The following SLC38A11 variants were observed in gnomAD, a reference collection of about 807,000 sequenced individuals.
The protein encoded by SLC38A11 is putative sodium-coupled neutral amino acid transporter 11.
In SLC38A11, 51 loss-of-function variants were observed where a neutral mutation model predicts 49.4. The ratio of observed to expected loss-of-function variants is 1.03; its 90% CI spans 0.83 to 1.30. The LOEUF is 1.30. SLC38A11 is among the 50% of genes most tolerant of loss of function. SLC38A11 has a pLI of 0.00. For synonymous variants in SLC38A11, 203 were observed against 192.9 expected, an observed-to-expected ratio of 1.05 and a Z score of -0.43; for missense variants, 574 against 556.2, an observed-to-expected ratio of 1.03 and a Z score of -0.32.
chr2:164,955,430 T>A lies in SLC38A11; in HGVS notation c.-183A>T, dbSNP rs895917711. The A allele has an allele frequency of 1.7e-6, 1 of 580,268 alleles. No individual in the cohort carries two copies. Among genetic ancestry groups the A allele is most frequent in the Non-Finnish European group, 3.1e-6 (1 of 326,096 alleles). 35.9% of individuals were successfully genotyped at this position (580,268 alleles called of 1,614,324 possible). A position where few individuals can be genotyped will look rare whatever the true frequency, so the allele number is the denominator to read the frequency against. Reference sequence around the variant, plus strand: ...GGCCGCGAGGGCTGCAGCCCCAAGATCTCTAGGCTGTGGCAGCCTGGGGCG... The same window carrying A: ...GGCCGCGAGGGCTGCAGCCCCAAGAACTCTAGGCTGTGGCAGCCTGGGGCG... On this transcript the variant is annotated 5_prime_UTR_variant, in exon 1 of 12. Transcript: ENST00000685975.
chr2:164,902,186 G>T (rs946985401), intron 11 of SLC38A11, among the ~76,000 whole-genome samples: 2 of 151,780 alleles, frequency 1.3e-5, no homozygotes, highest in African/African-American at 2.4e-5. Context: ...ATGCTACCAT[G>T]TCTGGGTAAT....
chr2:164,912,527 T>C (rs1340371458), intron 9 of SLC38A11: 1 of 152,086 alleles, frequency 6.6e-6, no homozygotes, highest in Non-Finnish European at 1.5e-5. Context: ...AGAACAATCC[T>C]GAAAGGAAGA....
intron 6 of SLC38A11, among the ~76,000 whole-genome samples, chr2:164,938,314 C>T (rs1309176453): frequency 1.3e-5 from 2 of 152,198 alleles, no homozygotes; most frequent in Admixed American, 6.6e-5. Flanking sequence ...AGAGAGGGAA[C>T]TCAAGTACAA....
chr2:164,928,765 T>A (rs1365992146), intron 7 of SLC38A11, among the ~76,000 whole-genome samples: 1 of 152,120 alleles, frequency 6.6e-6, no homozygotes, highest in African/African-American at 2.4e-5. Flanking sequence ...AATCATCTCA[T>A]CTTTGAAAAA....
chr2:164,930,296 G>A (rs773653176), intron 7 of SLC38A11, among the ~76,000 whole-genome samples: 1 of 151,944 alleles, frequency 6.6e-6, no homozygotes, highest in East Asian at 1.9e-4. Context: ...GGACGAGAAC[G>A]ATTCACGGCT....
At position 164,896,014 on chromosome 2, in the gene SLC38A11, A is replaced by G. The variant is rs1328572245; in HGVS notation, c.*2423T>C. Reference sequence around the variant, plus strand: ...ATTTAAGTGTATTGACAGCTTCAAAAACTGGTTTAAAACCTTCAAGTTGCT... The same window carrying G: ...ATTTAAGTGTATTGACAGCTTCAAAGACTGGTTTAAAACCTTCAAGTTGCT... On this transcript the variant is annotated 3_prime_UTR_variant, in exon 12 of 12. Transcript: ENST00000685975. Among the ~76,000 whole-genome samples, 2 of 152,166 alleles carry G rather than the reference A, an allele frequency of 1.3e-5. No homozygotes were observed. Among genetic ancestry groups the G allele is most frequent in the Admixed American group, 1.3e-4 (2 of 15,266 alleles).
chr2:164,902,315 C>T (rs375269122), intron 11 of SLC38A11, among the ~76,000 whole-genome samples: 3 of 152,124 alleles, frequency 2.0e-5, no homozygotes, highest in African/African-American at 2.4e-5. Flanking sequence ...GCCACCGCAC[C>T]CAGCTGTTCA....
At chr2:164,901,499 A>C (rs929081181) in intron 11 of SLC38A11, among the ~76,000 whole-genome samples, 6 of 152,010 alleles carry the variant, frequency 3.9e-5, no homozygotes, top group South Asian at 2.1e-4. Flanking sequence ...AATTTATTCC[A>C]GAGTATTTTT....
At chr2:164,934,439 C>T (rs911058451) in intron 7 of SLC38A11, among the ~76,000 whole-genome samples, 5 of 152,016 alleles carry the variant, frequency 3.3e-5, no homozygotes, top group African/African-American at 1.2e-4. Context: ...TCTCCAATGG[C>T]GAAATAATGA....
At chr2:164,923,086 A>C (rs1013954452) in intron 7 of SLC38A11, among the ~76,000 whole-genome samples, 1 of 152,252 alleles carries the variant, frequency 6.6e-6, no homozygotes, top group Non-Finnish European at 1.5e-5. Context: ...GAGATGGATT[A>C]GAGATTTAAA....
chr2:164,926,756 C>T lies in SLC38A11; in HGVS notation c.617+10594G>A, dbSNP rs1049378016. Among the ~76,000 whole-genome samples the T allele has an allele frequency of 4.0e-5, 6 of 151,152 alleles. No homozygotes were observed. The South Asian group carries it at 1.0e-3, about 26-fold the overall frequency. The stretch of plus-strand genomic sequence containing the variant: ...GAAACCATCATTCTGAGAAAACTAT[C>T]GCAAGGACAGAAAATCAAACACCGC... On this transcript the variant is annotated intron_variant, in intron 7 of 11. Coordinates refer to ENST00000685975, the MANE Select transcript of SLC38A11 (RefSeq NM_001351537.2).
intron 5 of SLC38A11, among the ~76,000 whole-genome samples, chr2:164,942,353 T>G (rs72884488): frequency 0.069 from 10,258 of 149,086 alleles, 386 homozygotes; most frequent in Admixed American, 0.1. Flanking sequence ...GAGGATCACC[T>G]GAGCCCGGGA....
At chr2:164,939,656 A>T (rs909896615) in intron 5 of SLC38A11, 100 bp from the exon 6 acceptor site, 1 of 613,262 alleles carries the variant, frequency 1.6e-6, no homozygotes, top group Non-Finnish European at 2.7e-6. Context: ...ACTTAAACAT[A>T]AATACTACCT....
intron 7 of SLC38A11, among the ~76,000 whole-genome samples, chr2:164,923,455 C>A (rs946112894): frequency 6.6e-6 from 1 of 152,030 alleles, no homozygotes; most frequent in African/African-American, 2.4e-5. Flanking sequence ...AACAAATAGC[C>A]AATGAACATA....
intron 11 of SLC38A11, among the ~76,000 whole-genome samples, chr2:164,902,399 T>A (rs7582206): frequency 0.37 from 56,606 of 152,044 alleles, 11,806 homozygotes; most frequent in Admixed American, 0.47. Flanking sequence ...AATGTAAGTT[T>A]TTAATATATA....
At chr2:164,922,481 G>A (rs1203782216) in intron 7 of SLC38A11, among the ~76,000 whole-genome samples, 1 of 152,070 alleles carries the variant, frequency 6.6e-6, no homozygotes, top group Non-Finnish European at 1.5e-5. Context: ...TTCTGATTCT[G>A]TTCTATAGAC....
At chr2:164,914,114 G>A (rs1020490619) in intron 9 of SLC38A11, among the ~76,000 whole-genome samples, 23 of 152,142 alleles carry the variant, frequency 1.5e-4, no homozygotes, top group Middle Eastern at 3.4e-3. Flanking sequence ...AGAGTCAGAA[G>A]ACTTGTTTTC....
chr2:164,925,054 A>T (rs916229594), intron 7 of SLC38A11, among the ~76,000 whole-genome samples: 1 of 152,184 alleles, frequency 6.6e-6, no homozygotes, highest in Non-Finnish European at 1.5e-5. Flanking sequence ...CCTGAAATAT[A>T]AATTTTTAAA....
At chr2:164,942,061 G>T (rs561976825) in intron 5 of SLC38A11, among the ~76,000 whole-genome samples, 33 of 152,226 alleles carry the variant, frequency 2.2e-4, no homozygotes, top group African/African-American at 7.7e-4. Context: ...GGGCTTGTCT[G>T]TGTTTTCTAA....
Sources: gnomAD v4.1 joint callset for allele counts (sites outside exome capture counted in the v4.1 genomes callset) on GRCh38, gnomAD v4.1.1 for gene constraint, MANE v1.5 for transcripts, NCBI Gene and HGNC (gene_info 2026-07-23, HGNC 2026-07-21) for gene names.